ADGRB1: variants seen among roughly 807,000 people sequenced by gnomAD.
ADGRB1 encodes the protein brain-specific angiogenesis inhibitor 1.
Under a neutral mutation model 175.7 loss-of-function variants are expected in ADGRB1, and 36 were observed. The ratio of observed to expected loss-of-function variants is 0.20; its 90% CI spans 0.16 to 0.27. The LOEUF (loss-of-function observed/expected upper bound fraction) is 0.27, where lower values mean the gene tolerates loss of function less well. ADGRB1 is among the 10% of genes least tolerant of loss of function. ADGRB1 has a pLI of 1.00. For synonymous variants in ADGRB1, 1,054 were observed against 979.4 expected, an observed-to-expected ratio of 1.08 and a Z score of -1.42; for missense variants, 1,731 against 2,255.3, an observed-to-expected ratio of 0.77 and a Z score of 4.71.
At position 142,531,347 on chromosome 8, in the gene ADGRB1, C is replaced by G. The variant is rs1458424878; in HGVS notation, c.3399-1948C>G. On this transcript the variant is annotated intron_variant, in intron 24 of 30. Coordinates refer to ENST00000517894, the MANE Select transcript of ADGRB1 (RefSeq NM_001702.3). Reference sequence around the variant, plus strand: ...AGGCCCTGTGCCAAGTGCAGGGACACAGCAGTGAGTGACAGCCAGGGCCCT... The same window carrying G: ...AGGCCCTGTGCCAAGTGCAGGGACAGAGCAGTGAGTGACAGCCAGGGCCCT... Among the ~76,000 whole-genome samples, 6 of 152,214 alleles carry G rather than the reference C, an allele frequency of 3.9e-5. No homozygotes were observed. In the East Asian group the frequency reaches 7.7e-4, roughly 20 times the overall value.
intron 17 of ADGRB1, among the ~76,000 whole-genome samples, chr8:142,496,576 G>C (rs1191267190): frequency 6.6e-6 from 1 of 152,224 alleles, no homozygotes; most frequent in Non-Finnish European, 1.5e-5. Context: ...ACACGTAAGA[G>C]TTGCAAATAT....
At chr8:142,529,920 G>C (rs1238240249) in intron 24 of ADGRB1, among the ~76,000 whole-genome samples, 1 of 146,998 alleles carries the variant, frequency 6.8e-6, no homozygotes, top group African/African-American at 2.5e-5. Flanking sequence ...GCATGCATCT[G>C]TGTGTGTACC....
chr8:142,496,618 GTA>G (rs553820183), intron 17 of ADGRB1, among the ~76,000 whole-genome samples: 297 of 152,328 alleles, frequency 1.9e-3, no homozygotes, highest in Middle Eastern at 0.017. Context: ...TTTAAAAAAT[GTA>G]AATAACCCAG....
chr8:142,503,313 G>T (rs1026448534), intron 17 of ADGRB1, among the ~76,000 whole-genome samples: 1 of 152,052 alleles, frequency 6.6e-6, no homozygotes, highest in East Asian at 1.9e-4. Context: ...TGTAATGGGG[G>T]GAAGGTTTGG....
At chr8:142,505,012 C>T (rs568802551) in intron 17 of ADGRB1, among the ~76,000 whole-genome samples, 19 of 123,034 alleles carry the variant, frequency 1.5e-4, no homozygotes, top group South Asian at 2.7e-4. Flanking sequence ...GCACCTGCTT[C>T]GTGGGCCGGC....
At chr8:142,501,398 G>A (rs550004818) in intron 17 of ADGRB1, among the ~76,000 whole-genome samples, 112 of 83,292 alleles carry the variant, frequency 1.3e-3, no homozygotes, top group African/African-American at 4.9e-3. Flanking sequence ...TGATGATGGA[G>A]GTGGGGTGGT....
chr8:142,500,100 ACG>A (rs1842416626), intron 17 of ADGRB1, among the ~76,000 whole-genome samples: 1 of 151,878 alleles, frequency 6.6e-6, no homozygotes, highest in African/African-American at 2.4e-5. Flanking sequence ...AGGGCTTCTC[ACG>A]TTCCTCACAA....
At chr8:142,533,006 G>A (rs770030052) in intron 24 of ADGRB1, among the ~76,000 whole-genome samples, 4 of 151,970 alleles carry the variant, frequency 2.6e-5, no homozygotes, top group South Asian at 2.1e-4. Flanking sequence ...CAGTGTTGAC[G>A]GTGGGCTCCT....
chr8:142,533,412 C>T lies in ADGRB1; in HGVS notation c.3516C>T (p.Phe1172=), dbSNP rs745665205. 3.2e-5 allele frequency: 51 copies of T among 1,612,502 alleles called. No homozygotes were observed. Among genetic ancestry groups the T allele is most frequent in the East Asian group, 1.6e-4 (7 of 44,876 alleles). Residue 1172 remains phenylalanine, a synonymous_variant, in exon 25 of 31, where the codon TTC becomes TTT. Coordinates refer to ENST00000517894, the MANE Select transcript of ADGRB1 (RefSeq NM_001702.3). ...TCTTCCAGATCCTCTTCGCTGTCTT[C>T]GACTCGCTGGAGGGCTTCGTCATCG... ...SALFQILFAV[F]DSLEGFVIVM...
chr8:142,480,762 G>C (rs1297887518), intron 9 of ADGRB1, among the ~76,000 whole-genome samples: 2 of 152,178 alleles, frequency 1.3e-5, no homozygotes, highest in Admixed American at 1.3e-4. Context: ...TGATGTCCTG[G>C]GAGTGAGCTC....
At chr8:142,512,012 C>T (rs1178964630) in intron 18 of ADGRB1, among the ~76,000 whole-genome samples, 4 of 152,252 alleles carry the variant, frequency 2.6e-5, no homozygotes, top group African/African-American at 9.6e-5. Context: ...TAGCGCCTAG[C>T]CTCTCGGACA....
chr8:142,477,326 G>GCCGAGGCAGCGGACT (rs1563692576), intron 5 of ADGRB1, 48 bp downstream of exon 5: 4 of 1,586,446 alleles, frequency 2.5e-6, no homozygotes, highest in South Asian at 2.2e-5. Flanking sequence ...GGCAGCGGGG[G>GCCGAGGCAGCGGACT]GCCAGGGCAG....
At chr8:142,503,587 G>A (rs1842727720) in intron 17 of ADGRB1, among the ~76,000 whole-genome samples, 2 of 152,080 alleles carry the variant, frequency 1.3e-5, no homozygotes, top group Admixed American at 1.3e-4. Context: ...AGACGGCTCG[G>A]GCAGGCTTCT....
chr8:142,513,134 A>G (rs1217773016), intron 18 of ADGRB1, among the ~76,000 whole-genome samples: 1 of 152,166 alleles, frequency 6.6e-6, no homozygotes, highest in Non-Finnish European at 1.5e-5. Flanking sequence ...CCCCCATCCC[A>G]GACAGGACAT....
At chr8:142,516,049 G>GA (rs1259707416) in intron 18 of ADGRB1, among the ~76,000 whole-genome samples, 1 of 152,212 alleles carries the variant, frequency 6.6e-6, no homozygotes, top group African/African-American at 2.4e-5. Context: ...TTGTTCCAGG[G>GA]AGGCACAGCT....
chr8:142,516,489 G>A (rs1430174702), intron 18 of ADGRB1, among the ~76,000 whole-genome samples: 4 of 143,164 alleles, frequency 2.8e-5, no homozygotes, highest in Non-Finnish European at 4.5e-5. Flanking sequence ...GTGCGCGCGC[G>A]TGTGTGCGGG....
In ADGRB1 at chr8:142,479,713, G is replaced by A. The variant is rs1458480527; in HGVS notation, c.1747G>A (p.Glu583Lys). Residue 583 changes from glutamate to lysine, a missense_variant, in exon 9 of 31, where the codon GAG becomes AAG. By Grantham distance (56) the Glu-to-Lys change is moderately conservative (BLOSUM62 1). This residue lies in a region of ADGRB1 where 388 missense variants were observed against 630.9 expected (regional missense o/e 0.61). Transcript: ENST00000517894. ...GGCAGAGCCCCATGAGATCTGTGAT[G>A]AGGACAACTTTGGTGCTGTGATCTG... ...RCPEPHEICD[E>K]DNFGAVIWKE... 1.2e-6 allele frequency: 2 copies of A among 1,613,606 alleles called. No individual in the cohort carries two copies. The highest frequency in any genetic ancestry group is 1.7e-6 in the Non-Finnish European group (2 of 1,179,662).
intron 18 of ADGRB1, among the ~76,000 whole-genome samples, chr8:142,515,703 C>T (rs936903692): frequency 2.0e-5 from 3 of 151,468 alleles, no homozygotes; most frequent in South Asian, 2.1e-4. Flanking sequence ...GTAAAGTTAC[C>T]GGTGACTGAT....
At position 142,493,781 on chromosome 8, in the gene ADGRB1, G is replaced by A. The variant is rs1291807149; in HGVS notation, c.2675+2966G>A. Among the ~76,000 whole-genome samples, 1 of 152,244 alleles carries A rather than the reference G, an allele frequency of 6.6e-6. No homozygotes were observed. Among genetic ancestry groups the A allele is most frequent in the Non-Finnish European group, 1.5e-5 (1 of 68,040 alleles). The stretch of plus-strand genomic sequence containing the variant: ...AGCCCTAGAGGGCGGGCCACGGCTG[G>A]CAGGGAAGGACTGGGACTGACCTCG... On this transcript the variant is annotated intron_variant, in intron 17 of 30. Transcript: ENST00000517894. This position sits in a 1 kb window ranked among gnomAD's most constrained non-coding sequence, Gnocchi z 5.0.
Sources: gnomAD v4.1 joint callset for allele counts (sites outside exome capture counted in the v4.1 genomes callset) on GRCh38, gnomAD v4.1.1 for gene constraint, gnomAD v4.1.1 regional missense constraint, Gnocchi (gnomAD v3.1) non-coding constraint, MANE v1.5 for transcripts, NCBI Gene and HGNC (gene_info 2026-07-23, HGNC 2026-07-21) for gene names.